Variants in JAK2 observed in about 807,000 individuals in gnomAD.
The protein encoded by JAK2 is Janus kinase 2.
In JAK2, 86 loss-of-function variants were observed where a neutral mutation model predicts 139.3. The ratio of observed to expected loss-of-function variants is 0.62; its 90% CI spans 0.52 to 0.74. The LOEUF (loss-of-function observed/expected upper bound fraction) is 0.74, where lower values mean the gene tolerates loss of function less well. Ranked by LOEUF, JAK2 falls within the 30% of genes least tolerant of loss-of-function variation. The pLI, the probability that JAK2 is intolerant of heterozygous loss-of-function variation, is 0.00. For synonymous variants in JAK2, 490 were observed against 437.7 expected (o/e 1.12, Z -1.49); for missense variants, 1,421 against 1,360.3 (o/e 1.04, Z -0.70).
At chr9:5,058,562 T>C (rs1817933206) in intron 8 of JAK2, among the ~76,000 whole-genome samples, 1 of 152,184 alleles carries the variant, frequency 6.6e-6, no homozygotes, top group Non-Finnish European at 1.5e-5. Context: ...CCAAACCATG[T>C]CATACCTAGA....
At chr9:5,070,454 C>G (rs1291260569) in intron 12 of JAK2, among the ~76,000 whole-genome samples, 1 of 152,098 alleles carries the variant, frequency 6.6e-6, no homozygotes, top group Non-Finnish European at 1.5e-5. Context: ...CAGGACTACC[C>G]ATGGATACCA....
chr9:5,065,439 T>C (rs2130496860), intron 9 of JAK2, among the ~76,000 whole-genome samples: 1 of 152,348 alleles, frequency 6.6e-6, no homozygotes, highest in South Asian at 2.1e-4. Context: ...AAACACAAGA[T>C]ATATATGATG....
chr9:5,055,737 T>A lies in JAK2; in HGVS notation c.1005T>A (p.Gly335=). 2 of 1,610,408 alleles carry A rather than the reference T, an allele frequency of 1.2e-6. No homozygotes were observed. Among genetic ancestry groups the A allele is most frequent in the Non-Finnish European group, 1.7e-6 (2 of 1,177,308 alleles). The change falls in exon 8 of 25, where the codon GGT becomes GGA. Residue 335 remains glycine, a synonymous_variant. Coordinates refer to ENST00000381652, the MANE Select transcript of JAK2 (RefSeq NM_004972.4). ...GTATTAAGCAAGCAAACCAAGAGGGTTCAAATGAAAGCCGAGTTGTAACTA... is the reference window on the plus strand; with the variant it reads ...GTATTAAGCAAGCAAACCAAGAGGGATCAAATGAAAGCCGAGTTGTAACTA... ...DVSIKQANQE[G]SNESRVVTIH...
chr9:5,052,649 C>T (rs762255114), intron 6 of JAK2, among the ~76,000 whole-genome samples: 7 of 152,184 alleles, frequency 4.6e-5, no homozygotes, highest in Non-Finnish European at 7.4e-5. Flanking sequence ...CAGTCCTCAT[C>T]CCACTTTCCC....
intron 2 of JAK2, among the ~76,000 whole-genome samples, chr9:5,009,176 A>T (rs1356204437): frequency 1.3e-5 from 2 of 152,336 alleles, no homozygotes; most frequent in Middle Eastern, 3.4e-3. Context: ...GGATGAGCAA[A>T]TTGGGTGGTC....
intron 3 of JAK2, among the ~76,000 whole-genome samples, chr9:5,022,842 TAGAA>T (rs1300997911): frequency 1.3e-5 from 2 of 152,238 alleles, no homozygotes; most frequent in African/African-American, 4.8e-5. Flanking sequence ...GTTCTTTTAA[TAGAA>T]AGACTAGTTG....
chr9:5,042,372 C>A (rs556500201), intron 4 of JAK2, among the ~76,000 whole-genome samples: 2 of 151,908 alleles, frequency 1.3e-5, no homozygotes, highest in African/African-American at 4.8e-5. Flanking sequence ...CTCCTGACCT[C>A]ATGATCCACC....
chr9:5,016,017 A>G (rs1457214418), intron 2 of JAK2, among the ~76,000 whole-genome samples: 1 of 152,244 alleles, frequency 6.6e-6, no homozygotes, highest in Non-Finnish European at 1.5e-5. Context: ...GTACAGAAGT[A>G]GGCATTGGAG....
intron 2 of JAK2, among the ~76,000 whole-genome samples, chr9:4,999,837 T>C (rs1302384035): frequency 6.6e-6 from 1 of 152,206 alleles, no homozygotes; most frequent in Non-Finnish European, 1.5e-5. Context: ...TTTTTCCCAA[T>C]ATTTAGACTT....
rs74480205 is a variant in JAK2 at position 5,067,784 on chromosome 9, A to G, written c.1326+995A>G. 6.5e-3 allele frequency among the ~76,000 whole-genome samples: 996 copies of G among 152,304 alleles called. 6 individuals carry two copies. The highest frequency in any genetic ancestry group is 0.022 in the African/African-American group (916 of 41,560). On this transcript the variant is annotated intron_variant, in intron 10 of 24. Coordinates refer to ENST00000381652, the MANE Select transcript of JAK2 (RefSeq NM_004972.4). ...TGGACAAACAAAAATTTTCAAATAT[A>G]CAAAAAATTCTAAATCGAACATTGT...
Position 5,129,338 on chromosome 9 carries a change from A to C in JAK2, c.*2547A>C, listed in dbSNP as rs1194084076. 6.6e-6 allele frequency among the ~76,000 whole-genome samples: 1 copy of C among 152,236 alleles called. No individual in the cohort carries two copies. Among genetic ancestry groups the C allele is most frequent in the East Asian group, 1.9e-4 (1 of 5,196 alleles). On this transcript the variant is annotated 3_prime_UTR_variant, in exon 25 of 25. Coordinates refer to ENST00000381652, the MANE Select transcript of JAK2 (RefSeq NM_004972.4). ...ACCTAACCAAGGAAACGGGCCACAC[A>C]CCTTGGTTTAGGGATGTTGTGATAG... is the stretch of plus-strand genomic sequence containing the variant.
chr9:5,106,440 C>T (rs1323420778), intron 22 of JAK2, among the ~76,000 whole-genome samples: 1 of 152,238 alleles, frequency 6.6e-6, no homozygotes, highest in Non-Finnish European at 1.5e-5. Context: ...CACTTTCACA[C>T]TGTTGGTGGG....
At chr9:5,043,851 G>A (rs975937218) in intron 4 of JAK2, among the ~76,000 whole-genome samples, 1 of 152,166 alleles carries the variant, frequency 6.6e-6, no homozygotes. Context: ...AGACAGAAAG[G>A]CCACATGTTC....
chr9:5,017,621 A>G (rs1217377840), intron 2 of JAK2, among the ~76,000 whole-genome samples: 1 of 152,162 alleles, frequency 6.6e-6, no homozygotes, highest in African/African-American at 2.4e-5. Context: ...ATTTATTGCT[A>G]TAAACTTCCC....
intron 5 of JAK2, among the ~76,000 whole-genome samples, chr9:5,049,289 C>A (rs1817248791): frequency 6.6e-6 from 1 of 152,172 alleles, no homozygotes. Context: ...AGGATCAGGT[C>A]ATTCAAGGGT....
chr9:5,034,764 T>C (rs541843365), intron 4 of JAK2, among the ~76,000 whole-genome samples: 1 of 151,906 alleles, frequency 6.6e-6, no homozygotes, highest in South Asian at 2.1e-4. Context: ...TTTATAGCAC[T>C]AAAGGCCCAC....
intron 4 of JAK2, among the ~76,000 whole-genome samples, chr9:5,033,823 C>T (rs999264881): frequency 6.6e-6 from 1 of 152,170 alleles, no homozygotes; most frequent in Admixed American, 6.5e-5. Context: ...TAGGAAGAAA[C>T]TGCATCAACT....
chr9:5,051,671 A>G (rs1440919044), intron 6 of JAK2, among the ~76,000 whole-genome samples: 1 of 152,180 alleles, frequency 6.6e-6, no homozygotes, highest in East Asian at 1.9e-4. Flanking sequence ...TTGAAGGCAA[A>G]TATGTATTTT....
At chr9:5,068,035 C>T (rs924739490) in intron 10 of JAK2, among the ~76,000 whole-genome samples, 2 of 151,940 alleles carry the variant, frequency 1.3e-5, no homozygotes, top group South Asian at 2.1e-4. Flanking sequence ...TGGTGCGCAC[C>T]TGTAGTCCCA....
Sources: gnomAD v4.1 joint callset for allele counts (sites outside exome capture counted in the v4.1 genomes callset) on GRCh38, gnomAD v4.1.1 for gene constraint, MANE v1.5 for transcripts, NCBI Gene and HGNC (gene_info 2026-07-23, HGNC 2026-07-21) for gene names.